The following CSMD1 variants were observed in gnomAD, a reference collection of about 807,000 sequenced individuals.
CSMD1 encodes the protein CUB and sushi domain-containing protein 1.
Under a neutral mutation model 417.5 loss-of-function variants are expected in CSMD1, and 213 were observed. The ratio of observed to expected loss-of-function variants is 0.51; its 90% CI spans 0.46 to 0.57. The LOEUF is 0.57. Among genes scored for constraint, CSMD1 ranks in the 20% least tolerant of loss-of-function variants. CSMD1 has a pLI of 0.00. For synonymous variants in CSMD1, 2,862 were observed against 1,736.8 expected, an observed-to-expected ratio of 1.65 and a Z score of -16.11; for missense variants, 6,923 against 4,529.7, an observed-to-expected ratio of 1.53 and a Z score of -15.17.
intron 3 of CSMD1, among the ~76,000 whole-genome samples, chr8:4,044,886 G>C (rs988191838): frequency 6.6e-6 from 1 of 152,192 alleles, no homozygotes; most frequent in South Asian, 2.1e-4. Flanking sequence ...GCAGCCCTCA[G>C]GCCCAGACTG....
At chr8:3,242,343 A>G (rs981876291) in intron 26 of CSMD1, among the ~76,000 whole-genome samples, 1 of 151,052 alleles carries the variant, frequency 6.6e-6, no homozygotes, top group African/African-American at 2.4e-5. Flanking sequence ...AGAAAGACTC[A>G]GCGACGCTTG....
intron 6 of CSMD1, among the ~76,000 whole-genome samples, chr8:3,749,702 T>G (rs1211120991): frequency 6.6e-6 from 1 of 152,210 alleles, no homozygotes; most frequent in East Asian, 1.9e-4. Flanking sequence ...GTGGGCTGAT[T>G]TCATATAAAC....
intron 5 of CSMD1, among the ~76,000 whole-genome samples, chr8:3,979,162 C>G (rs753194344): frequency 2.0e-5 from 3 of 152,228 alleles, no homozygotes; most frequent in Non-Finnish European, 4.4e-5. Context: ...CATTTTACAA[C>G]ACCTGTGAGA....
intron 49 of CSMD1, among the ~76,000 whole-genome samples, chr8:3,086,611 C>T (rs373038847): frequency 2.0e-5 from 3 of 151,956 alleles, no homozygotes; most frequent in South Asian, 4.1e-4. Flanking sequence ...TTTTTATGCA[C>T]ATGATAGATA....
At chr8:3,046,840 G>A (rs941291038) in intron 50 of CSMD1, among the ~76,000 whole-genome samples, 1 of 152,180 alleles carries the variant, frequency 6.6e-6, no homozygotes, top group African/African-American at 2.4e-5. Flanking sequence ...AAACCACTAA[G>A]ATAAGGAACA....
chr8:3,127,079 C>A (rs567499341), intron 41 of CSMD1, among the ~76,000 whole-genome samples: 1 of 152,132 alleles, frequency 6.6e-6, no homozygotes, highest in Non-Finnish European at 1.5e-5. Context: ...GGAGAACATC[C>A]GTCAACAATG....
At chr8:4,118,152 G>C (rs1349900302) in intron 3 of CSMD1, among the ~76,000 whole-genome samples, 2 of 152,264 alleles carry the variant, frequency 1.3e-5, no homozygotes, top group East Asian at 1.9e-4. Context: ...CAGACTCTCA[G>C]TGGGAGCAGA....
intron 5 of CSMD1, among the ~76,000 whole-genome samples, chr8:3,964,236 A>C (rs1200664867): frequency 6.6e-6 from 1 of 152,218 alleles, no homozygotes; most frequent in Admixed American, 6.5e-5. Flanking sequence ...TTACTAAATT[A>C]TACTTTTTGT....
At chr8:3,643,488 G>C (rs372281003) in intron 7 of CSMD1, among the ~76,000 whole-genome samples, 38 of 152,086 alleles carry the variant, frequency 2.5e-4, no homozygotes, top group East Asian at 1.4e-3. Flanking sequence ...GGATCACAAG[G>C]TCAGGAGATC....
chr8:4,001,208 C>T (rs960826519), intron 4 of CSMD1, among the ~76,000 whole-genome samples: 1 of 152,132 alleles, frequency 6.6e-6, no homozygotes, highest in South Asian at 2.1e-4. Context: ...GAATAAGAAG[C>T]TTAACCGATT....
intron 5 of CSMD1, among the ~76,000 whole-genome samples, chr8:3,757,344 A>C (rs1345616800): frequency 2.0e-5 from 3 of 152,234 alleles, no homozygotes; most frequent in Non-Finnish European, 4.4e-5. Context: ...TTGCAGGTGT[A>C]GTTGGCAAGT....
rs537822563 is a variant in CSMD1 at position 3,227,893 on chromosome 8, A to G, written c.4345+2147T>C. ...AGTGATTCTCGTGCCTCAGCCTCCC[A>G]AGTAGCTGGGATCACAGGCATGCAC... On this transcript the variant is annotated intron_variant, in intron 27 of 69. Coordinates refer to ENST00000635120, the MANE Select transcript of CSMD1 (RefSeq NM_033225.6). 2.9e-4 allele frequency among the ~76,000 whole-genome samples: 44 copies of G among 151,326 alleles called. No homozygotes were observed. In the South Asian group the frequency reaches 5.2e-3, roughly 18 times the overall value.
chr8:4,374,072 A>G (rs971914634), intron 3 of CSMD1, among the ~76,000 whole-genome samples: 3 of 152,202 alleles, frequency 2.0e-5, no homozygotes, highest in Non-Finnish European at 2.9e-5. Flanking sequence ...ATAATCAATA[A>G]TGAAGTGTAT....
chr8:3,937,672 C>T (rs1395520506), intron 5 of CSMD1, among the ~76,000 whole-genome samples: 2 of 152,112 alleles, frequency 1.3e-5, no homozygotes, highest in African/African-American at 2.4e-5. Context: ...CTCTGAAGTA[C>T]GGCTGCATAT....
At position 3,379,732 on chromosome 8, in the gene CSMD1, T is replaced by C. The variant is rs914745937; in HGVS notation, c.2782+7762A>G. ...GAAACTGGACCCCTTCCTTACACTTTATACAAAAATTAACTCAAGATGGAT... is the reference window on the plus strand; with the variant it reads ...GAAACTGGACCCCTTCCTTACACTTCATACAAAAATTAACTCAAGATGGAT... On this transcript the variant is annotated intron_variant, in intron 18 of 69. Transcript: ENST00000635120. Among the ~76,000 whole-genome samples the C allele has an allele frequency of 2.6e-5, 4 of 152,142 alleles. No homozygotes were observed. The South Asian group carries it at 8.3e-4, about 32-fold the overall frequency.
chr8:4,835,606 G>C (rs1229479967), intron 1 of CSMD1, among the ~76,000 whole-genome samples: 1 of 152,148 alleles, frequency 6.6e-6, no homozygotes, highest in Non-Finnish European at 1.5e-5. Flanking sequence ...TCTACATTTT[G>C]CATATGCATA....
Position 4,953,051 on chromosome 8 carries a change from G to C in CSMD1, c.85+41281C>G, listed in dbSNP as rs1254785804. ...GATGAGAGTGACCATTAATACGTGAGCAGATGTTAAGACAAAAAAACATTA... is the reference window on the plus strand; with the variant it reads ...GATGAGAGTGACCATTAATACGTGACCAGATGTTAAGACAAAAAAACATTA... On this transcript the variant is annotated intron_variant, in intron 1 of 69. Transcript: ENST00000635120. Among the ~76,000 whole-genome samples the C allele has an allele frequency of 4.8e-5, 5 of 104,054 alleles. No individual in the cohort carries two copies. In the South Asian group the frequency reaches 1.3e-3, roughly 27 times the overall value. 68.3% of individuals were successfully genotyped at this position (104,054 alleles called of 152,430 possible). A position where few individuals can be genotyped will look rare whatever the true frequency, so the allele number is the denominator to read the frequency against.
At position 4,501,640 on chromosome 8, in the gene CSMD1, C is replaced by A. The variant is rs538461488; in HGVS notation, c.303-81575G>T. Among the ~76,000 whole-genome samples the A allele has an allele frequency of 9.9e-5, 15 of 152,214 alleles. No homozygotes were observed. In the South Asian group the frequency reaches 2.7e-3, roughly 27 times the overall value. ...TTAAATTGCTAGCTGTTCTGACTAGCGCCATCCCACTCCATCCCAGCCAGG... is the reference window on the plus strand; with the variant it reads ...TTAAATTGCTAGCTGTTCTGACTAGAGCCATCCCACTCCATCCCAGCCAGG... On this transcript the variant is annotated intron_variant, in intron 2 of 69. Transcript: ENST00000635120.
intron 3 of CSMD1, among the ~76,000 whole-genome samples, chr8:4,356,620 G>A (rs552675250): frequency 6.6e-6 from 1 of 152,144 alleles, no homozygotes; most frequent in Admixed American, 6.6e-5. Flanking sequence ...TGTTTTCACT[G>A]TGTCTGCTTT....
Sources: gnomAD v4.1 joint callset for allele counts (sites outside exome capture counted in the v4.1 genomes callset) on GRCh38, gnomAD v4.1.1 for gene constraint, MANE v1.5 for transcripts, NCBI Gene and HGNC (gene_info 2026-07-23, HGNC 2026-07-21) for gene names.